MINDY2: variants seen among roughly 807,000 people sequenced by gnomAD.
The protein encoded by MINDY2 is ubiquitin carboxyl-terminal hydrolase MINDY-2.
MINDY2 carries 52 observed loss-of-function variants against 68.2 expected under a neutral mutation model. The observed-to-expected ratio is 0.76, with a 90% CI of 0.61 to 0.96. The LOEUF is 0.96. MINDY2 is among the 40% of genes least tolerant of loss of function. The pLI is 0.00. For missense variants in MINDY2, 881 were observed against 773.4 expected (o/e 1.14, Z -1.65); for synonymous variants, 372 against 303.0 (o/e 1.23, Z -2.36).
intron 4 of MINDY2, chr15:58,815,298 G>C (rs11071397): frequency 0.16 from 24,359 of 151,984 alleles, 2,188 homozygotes; most frequent in South Asian, 0.33. Context: ...AAAGCATCCA[G>C]TTTAATTAAA....
chr15:58,847,153 G>C, intron 6 of MINDY2, 144 bp from the exon 7 acceptor site: 1 of 534,868 alleles, frequency 1.9e-6, no homozygotes, highest in Non-Finnish European at 3.0e-6. Context: ...TATCTACTTG[G>C]TCTATTTATT....
At chr15:58,778,472 G>A (rs1900913908) in intron 1 of MINDY2, among the ~76,000 whole-genome samples, 1 of 150,372 alleles carries the variant, frequency 6.7e-6, no homozygotes, top group East Asian at 2.0e-4. Context: ...CCTAGAAACT[G>A]TAAAATAAGG....
chr15:58,773,181 C>A (rs1400814346), intron 1 of MINDY2, among the ~76,000 whole-genome samples: 2 of 151,856 alleles, frequency 1.3e-5, no homozygotes, highest in Admixed American at 6.6e-5. Flanking sequence ...CGCCTGTAAT[C>A]CCAGCTACTC....
At chr15:58,817,004 A>T (rs1237073364) in intron 4 of MINDY2, among the ~76,000 whole-genome samples, 1 of 152,202 alleles carries the variant, frequency 6.6e-6, no homozygotes, top group Non-Finnish European at 1.5e-5. Flanking sequence ...ACTATAAAAA[A>T]TAAAACTACA....
chr15:58,790,975 C>A (rs971915455), intron 2 of MINDY2, among the ~76,000 whole-genome samples: 2 of 151,484 alleles, frequency 1.3e-5, no homozygotes, highest in African/African-American at 2.4e-5. Flanking sequence ...GTCAGGAGAT[C>A]GAGACCATAC....
At chr15:58,798,014 T>C (rs1337580502) in intron 2 of MINDY2, among the ~76,000 whole-genome samples, 1 of 152,240 alleles carries the variant, frequency 6.6e-6, no homozygotes, top group African/African-American at 2.4e-5. Context: ...TAAAGTATGC[T>C]GAAAAGCTCA....
At position 58,771,622 on chromosome 15, in the gene MINDY2, C is replaced by T; in HGVS notation, c.227C>T (p.Pro76Leu). ...TCTCCCGCGGGCTCTCCTGAGGTTC[C>T]CGGACCCTGCAGCTCCTCCGCGGGT... ...SASPAGSPEVPGPCSSSAGLD... is the reference protein window; with the variant it reads ...SASPAGSPEVLGPCSSSAGLD... Residue 76 changes from proline (P) to leucine (L), a missense_variant, in exon 1 of 9, where the codon CCC becomes CTC. Coordinates refer to ENST00000559228, the MANE Select transcript of MINDY2 (RefSeq NM_001040450.3). 1 of 1,612,290 alleles carries T rather than the reference C, an allele frequency of 6.2e-7. No individual in the cohort carries two copies.
intron 3 of MINDY2, among the ~76,000 whole-genome samples, chr15:58,806,058 A>G (rs1194137587): frequency 6.6e-6 from 1 of 152,236 alleles, no homozygotes; most frequent in African/African-American, 2.4e-5. Context: ...CGGGCGACAG[A>G]GCGAGACTCC....
intron 2 of MINDY2, among the ~76,000 whole-genome samples, chr15:58,797,913 C>T (rs1902390533): frequency 1.3e-5 from 2 of 152,268 alleles, no homozygotes; most frequent in Admixed American, 6.5e-5. Context: ...ATAAAGCCAT[C>T]ACAAAATTGT....
intron 7 of MINDY2, among the ~76,000 whole-genome samples, chr15:58,850,347 A>G (rs2032753891): frequency 6.6e-6 from 1 of 152,190 alleles, no homozygotes; most frequent in Admixed American, 6.5e-5. Context: ...TCTTAAACAG[A>G]AGACTTTTAT....
intron 6 of MINDY2, among the ~76,000 whole-genome samples, chr15:58,846,934 C>T (rs2032567438): frequency 6.6e-6 from 1 of 151,954 alleles, no homozygotes; most frequent in Non-Finnish European, 1.5e-5. Context: ...AAAAAACAGG[C>T]AACATGGTAT....
chr15:58,788,282 A>T (rs1361210339), intron 2 of MINDY2, among the ~76,000 whole-genome samples: 1 of 152,202 alleles, frequency 6.6e-6, no homozygotes, highest in Non-Finnish European at 1.5e-5. Flanking sequence ...AAAGTGTTCA[A>T]AAATATTGGG....
At chr15:58,801,496 A>G (rs1902659842) in intron 2 of MINDY2, among the ~76,000 whole-genome samples, 1 of 151,986 alleles carries the variant, frequency 6.6e-6, no homozygotes, top group Non-Finnish European at 1.5e-5. Context: ...CGTAGATTTA[A>G]AAGTATTAAA....
chr15:58,776,555 C>G (rs757258952), intron 1 of MINDY2, among the ~76,000 whole-genome samples: 2 of 152,058 alleles, frequency 1.3e-5, no homozygotes, highest in Non-Finnish European at 2.9e-5. Context: ...CATCAGAGAG[C>G]TAATAGAGTA....
At chr15:58,823,816 C>T (rs917991171) in intron 5 of MINDY2, among the ~76,000 whole-genome samples, 1 of 152,146 alleles carries the variant, frequency 6.6e-6, no homozygotes, top group Non-Finnish European at 1.5e-5. Context: ...TATATTCTCT[C>T]AATTAACAAA....
intron 4 of MINDY2, among the ~76,000 whole-genome samples, chr15:58,812,364 G>A (rs2030341072): frequency 6.6e-6 from 1 of 151,648 alleles, no homozygotes; most frequent in East Asian, 1.9e-4. Flanking sequence ...TTAAACCCGG[G>A]AGGTGGAGTT....
chr15:58,859,641 T>C lies in MINDY2; in HGVS notation c.*5031T>C, dbSNP rs907636502. On this transcript the variant is annotated 3_prime_UTR_variant, in exon 9 of 9. Coordinates refer to ENST00000559228, the MANE Select transcript of MINDY2 (RefSeq NM_001040450.3). ...TCAGAGGCTTCCTGAACAAAACAAA[T>C]TGCAAAATAGCGATAATGGCATGGG... 1 of 152,166 alleles carries C rather than the reference T, an allele frequency of 6.6e-6. No homozygotes were observed. Among genetic ancestry groups the C allele is most frequent in the Non-Finnish European group, 1.5e-5 (1 of 68,022 alleles). 9.4% of individuals were successfully genotyped at this position (152,166 alleles called of 1,614,324 possible).
intron 1 of MINDY2, among the ~76,000 whole-genome samples, chr15:58,778,964 G>T (rs1900959051): frequency 6.6e-6 from 1 of 151,810 alleles, no homozygotes; most frequent in Non-Finnish European, 1.5e-5. Context: ...GTTTCAGCAT[G>T]TTGGCCAGGC....
At chr15:58,810,600 A>C (rs1430129948) in intron 4 of MINDY2, among the ~76,000 whole-genome samples, 9 of 152,064 alleles carry the variant, frequency 5.9e-5, no homozygotes, top group Non-Finnish European at 5.9e-5. Context: ...GCCCAACTAC[A>C]AGGTTAGAGG....
Sources: gnomAD v4.1 joint callset for allele counts (sites outside exome capture counted in the v4.1 genomes callset) on GRCh38, gnomAD v4.1.1 for gene constraint, MANE v1.5 for transcripts, NCBI Gene and HGNC (gene_info 2026-07-23, HGNC 2026-07-21) for gene names.